DCC: variants seen among roughly 807,000 people sequenced by gnomAD.
DCC encodes the protein DCC netrin 1 receptor, also known as netrin receptor DCC.
Under a neutral mutation model 172.5 loss-of-function variants are expected in DCC, and 58 were observed. The observed-to-expected ratio is 0.34, with a 90% confidence interval of 0.27 to 0.42. The LOEUF (loss-of-function observed/expected upper bound fraction) is 0.42. Ranked by LOEUF, DCC falls within the 10% of genes least tolerant of loss-of-function variation. The pLI is 1.00. For synonymous variants in DCC, 709 were observed against 644.5 expected (o/e 1.10, Z -1.52); for missense variants, 1,740 against 1,791.0 (o/e 0.97, Z 0.51).
intron 1 of DCC, among the ~76,000 whole-genome samples, chr18:52,346,828 G>A (rs1296051893): frequency 6.6e-6 from 1 of 152,142 alleles, no homozygotes; most frequent in Non-Finnish European, 1.5e-5. Context: ...CACGAGCCCA[G>A]TGTCTATGAT....
intron 12 of DCC, among the ~76,000 whole-genome samples, chr18:53,279,127 C>T (rs1459373645): frequency 6.6e-6 from 1 of 152,136 alleles, no homozygotes; most frequent in African/African-American, 2.4e-5. Context: ...GATGGTATCT[C>T]ATTGTGGTTT....
At chr18:52,588,843 T>A (rs2033735245) in intron 1 of DCC, among the ~76,000 whole-genome samples, 1 of 151,820 alleles carries the variant, frequency 6.6e-6, no homozygotes, top group East Asian at 1.9e-4. Flanking sequence ...AAGAGCTTTA[T>A]ACCAATGATA....
At position 53,205,167 on chromosome 18, in the gene DCC, C is replaced by A. The variant is rs758924306; in HGVS notation, c.1574-49C>A. 6.0e-6 allele frequency: 9 copies of A among 1,491,974 alleles called. No individual in the cohort carries two copies. In the South Asian group the frequency reaches 9.0e-5, roughly 15 times the overall value. 92.4% of individuals were successfully genotyped at this position (1,491,974 alleles called of 1,614,324 possible). On this transcript the variant is annotated intron_variant, in intron 9 of 28. Coordinates refer to ENST00000442544, the MANE Select transcript of DCC (RefSeq NM_005215.4). ...TTTGTTTGTTTTGAGAACAAAAACC[C>A]ACTTATCCTAATCACTTTTCTTTCT...
chr18:53,107,625 G>C (rs1157786466), intron 7 of DCC, among the ~76,000 whole-genome samples: 1 of 150,110 alleles, frequency 6.7e-6, no homozygotes, highest in Non-Finnish European at 1.5e-5. Context: ...TCAGAACTTA[G>C]AAAGAGTCTC....
At chr18:52,517,586 T>C (rs1360534862) in intron 1 of DCC, among the ~76,000 whole-genome samples, 1 of 152,226 alleles carries the variant, frequency 6.6e-6, no homozygotes, top group African/African-American at 2.4e-5. Flanking sequence ...CTTTCCTTTT[T>C]ATTAAGTAAA....
chr18:52,499,164 T>C (rs1231564195), intron 1 of DCC, among the ~76,000 whole-genome samples: 1 of 152,202 alleles, frequency 6.6e-6, no homozygotes, highest in Non-Finnish European at 1.5e-5. Context: ...TGAATGCAGA[T>C]GGTGCTGATC....
chr18:53,174,674 G>A (rs1390877447), intron 8 of DCC, among the ~76,000 whole-genome samples: 1 of 148,590 alleles, frequency 6.7e-6, no homozygotes, highest in Non-Finnish European at 1.5e-5. Flanking sequence ...TGAAATTGTG[G>A]CAATAATCAA....
chr18:52,917,179 A>G (rs1243658132), intron 3 of DCC, among the ~76,000 whole-genome samples: 1 of 150,454 alleles, frequency 6.6e-6, no homozygotes. Flanking sequence ...TATTGGCTGG[A>G]CGTAGTGACA....
At chr18:53,113,713 CT>C (rs11309009) in intron 7 of DCC, among the ~76,000 whole-genome samples, 103,701 of 149,818 alleles carry the variant, frequency 0.69, 37,529 homozygotes, top group African/African-American at 0.9. Flanking sequence ...CAAAAACCTG[CT>C]TTTTTTTTTA....
At chr18:53,402,003 T>G (rs1007219752) in intron 18 of DCC, among the ~76,000 whole-genome samples, 8 of 152,232 alleles carry the variant, frequency 5.3e-5, no homozygotes, top group African/African-American at 1.9e-4. Context: ...GTCTTCTATT[T>G]TAATTTCTCA....
At chr18:52,821,826 A>T (rs1040271624) in intron 2 of DCC, among the ~76,000 whole-genome samples, 12 of 152,158 alleles carry the variant, frequency 7.9e-5, no homozygotes, top group African/African-American at 2.9e-4. Flanking sequence ...TGTATTCCCA[A>T]TGTCTAAAAC....
intron 7 of DCC, among the ~76,000 whole-genome samples, chr18:53,075,117 G>A (rs1317103625): frequency 6.6e-6 from 1 of 152,136 alleles, no homozygotes; most frequent in Non-Finnish European, 1.5e-5. Flanking sequence ...AAAATAATTA[G>A]TAAACACATA....
chr18:53,221,677 A>G (rs2055934306), intron 12 of DCC, among the ~76,000 whole-genome samples: 1 of 152,182 alleles, frequency 6.6e-6, no homozygotes, highest in South Asian at 2.1e-4. Flanking sequence ...ATGAGCAAAG[A>G]AACCAATTCA....
At chr18:52,794,095 T>C (rs760264352) in intron 2 of DCC, among the ~76,000 whole-genome samples, 1 of 152,204 alleles carries the variant, frequency 6.6e-6, no homozygotes, top group Non-Finnish European at 1.5e-5. Context: ...GCTTCTAGCT[T>C]TTTCCATTTT....
At chr18:53,464,161 T>G (rs1162696420) in intron 24 of DCC, among the ~76,000 whole-genome samples, 1 of 152,226 alleles carries the variant, frequency 6.6e-6, no homozygotes, top group African/African-American at 2.4e-5. Context: ...AGTTCAGGTC[T>G]ATTTGATCTC....
chr18:52,840,321 A>G (rs920480538), intron 2 of DCC, among the ~76,000 whole-genome samples: 1 of 152,108 alleles, frequency 6.6e-6, no homozygotes, highest in East Asian at 1.9e-4. Flanking sequence ...GATTTTTCCA[A>G]TCATAGTCTC....
At chr18:53,391,191 G>C (rs1908522581) in intron 16 of DCC, among the ~76,000 whole-genome samples, 1 of 152,140 alleles carries the variant, frequency 6.6e-6, no homozygotes, top group Non-Finnish European at 1.5e-5. Flanking sequence ...TATTAAGTTA[G>C]AGAAGGAGGA....
At chr18:52,521,066 T>A (rs892168045) in intron 1 of DCC, among the ~76,000 whole-genome samples, 2 of 152,198 alleles carry the variant, frequency 1.3e-5, no homozygotes, top group African/African-American at 2.4e-5. Context: ...AAAATTCTGT[T>A]GAGAGAATTC....
chr18:52,897,908 A>G (rs147038965), intron 2 of DCC, among the ~76,000 whole-genome samples: 1 of 152,244 alleles, frequency 6.6e-6, no homozygotes, highest in African/African-American at 2.4e-5. Context: ...TGGCAAGTAC[A>G]GGCCAAAATG....
Sources: gnomAD v4.1 joint callset for allele counts (sites outside exome capture counted in the v4.1 genomes callset) on GRCh38, gnomAD v4.1.1 for gene constraint, MANE v1.5 for transcripts, NCBI Gene and HGNC (gene_info 2026-07-23, HGNC 2026-07-21) for gene names.